UPK1A: variants seen among roughly 807,000 people sequenced by gnomAD.
UPK1A encodes the protein uroplakin 1A.
A neutral mutation model predicts 32.3 loss-of-function variants in UPK1A; 31 were observed. The observed-to-expected ratio is 0.96, with a 90% CI of 0.72 to 1.30. The LOEUF is 1.30. Among genes scored for constraint, UPK1A ranks in the 50% most tolerant of loss-of-function variants. The pLI is 0.00. For synonymous variants in UPK1A, 135 were observed against 137.1 expected (o/e 0.98, Z 0.11); for missense variants, 340 against 357.4 (o/e 0.95, Z 0.39).
chr19:35,676,696 C>T lies in UPK1A; in HGVS notation c.648+677C>T, dbSNP rs1451632732. Among the ~76,000 whole-genome samples the T allele has an allele frequency of 4.0e-5, 6 of 151,490 alleles. No individual in the cohort carries two copies. In the South Asian group the frequency reaches 8.3e-4, roughly 21 times the overall value. ...GGCAGATCACTTGAGGTCAAGAGTT[C>T]GAGACCAGCCTGACCAACATGGCGA... On this transcript the variant is annotated intron_variant, in intron 6 of 7. Transcript: ENST00000617999.
exon 8 of UPK1A, chr19:35,678,113 A>C: frequency 7.1e-7 from 1 of 1,409,312 alleles, no homozygotes; most frequent in Non-Finnish European, 9.5e-7. Flanking sequence ...CTCACCTCTC[A>C]CCTCCCAACG....
At chr19:35,676,203 T>G in intron 6 of UPK1A, 184 bp downstream of exon 6, 1 of 726,852 alleles carries the variant, frequency 1.4e-6, no homozygotes, top group Non-Finnish European at 2.2e-6. Flanking sequence ...TTCTTTTTTT[T>G]TTTTCAAGAC....
intron 5 of UPK1A, among the ~76,000 whole-genome samples, chr19:35,675,037 G>A (rs1373589466): frequency 7.5e-6 from 1 of 133,874 alleles, no homozygotes; most frequent in Admixed American, 7.7e-5. Context: ...GGGAGACTCC[G>A]TCTCAAAAAA....
At chr19:35,675,734 C>T (rs983576081) in intron 5 of UPK1A, 106 bp from the exon 6 acceptor site, 1 of 1,371,162 alleles carries the variant, frequency 7.3e-7, no homozygotes. Context: ...GAAGTTGGGC[C>T]CAGCTGTGTC....
chr19:35,667,110 CTG>C (rs1209710910), intron 2 of UPK1A, among the ~76,000 whole-genome samples: 1 of 152,148 alleles, frequency 6.6e-6, no homozygotes, highest in African/African-American at 2.4e-5. Context: ...CATCTATAGA[CTG>C]TGTCCTCATT....
chr19:35,675,624 C>G (rs527829887), intron 5 of UPK1A, among the ~76,000 whole-genome samples: 1 of 152,224 alleles, frequency 6.6e-6, no homozygotes, highest in South Asian at 2.1e-4. Context: ...TAATCCAAAT[C>G]CCCCATCAGC....
chr19:35,668,362 G>C (rs755223451), intron 2 of UPK1A, 92 bp from the exon 3 acceptor site: 4 of 1,485,954 alleles, frequency 2.7e-6, no homozygotes, highest in Non-Finnish European at 3.7e-6. Flanking sequence ...GGCAGTGGAG[G>C]CTCCAAATGG....
At chr19:35,671,720 C>A (rs746537214) in intron 3 of UPK1A, among the ~76,000 whole-genome samples, 10 of 151,670 alleles carry the variant, frequency 6.6e-5, no homozygotes, top group Non-Finnish European at 1.0e-4. Context: ...CCTCGGCTTC[C>A]CAAAGTGCTG....
At chr19:35,671,624 A>ATTT (rs553879859) in intron 3 of UPK1A, among the ~76,000 whole-genome samples, 1 of 141,158 alleles carries the variant, frequency 7.1e-6, no homozygotes, top group Non-Finnish European at 1.6e-5. Flanking sequence ...CGCCTGGTTA[A>ATTT]TTTTTTTTTT....
chr19:35,676,589 G>C (rs546779758), intron 6 of UPK1A, among the ~76,000 whole-genome samples: 1 of 151,896 alleles, frequency 6.6e-6, no homozygotes, highest in South Asian at 2.1e-4. Context: ...ACTTTACTCA[G>C]GTTGTCCGAG....
At chr19:35,673,146 A>G (rs1568347819) in intron 3 of UPK1A, 86 bp from the exon 4 acceptor site, 1 of 1,433,670 alleles carries the variant, frequency 7.0e-7, no homozygotes, top group Non-Finnish European at 9.8e-7. Context: ...CTTTTTTAAA[A>G]CTTGCATTTC....
chr19:35,676,224 T>A (rs1427459506), intron 6 of UPK1A: 1 of 703,918 alleles, frequency 1.4e-6, no homozygotes, highest in Non-Finnish European at 2.4e-6. Flanking sequence ...CGAGTCCTGC[T>A]CTGTCACCCA....
At chr19:35,676,440 T>C (rs1968184991) in intron 6 of UPK1A, 2 of 292,308 alleles carry the variant, frequency 6.8e-6, no homozygotes, top group Non-Finnish European at 1.3e-5. Flanking sequence ...TCCACCCACC[T>C]CAGCCTCCCA....
intron 6 of UPK1A, 178 bp downstream of exon 6, chr19:35,676,197 T>TTCTTTCTTTCTTTCTTTC (rs1968180226): frequency 5.5e-6 from 4 of 728,956 alleles, no homozygotes; most frequent in South Asian, 4.0e-5. Flanking sequence ...CTTTCTTTCT[T>TTCTTTCTTTCTTTCTTTC]TTTTTTTTTT....
At chr19:35,676,281 C>A (rs1433588015) in intron 6 of UPK1A, 1 of 618,444 alleles carries the variant, frequency 1.6e-6, no homozygotes, top group South Asian at 1.6e-5. Flanking sequence ...GCGTCTGCCT[C>A]CCGGGTTCAA....
At chr19:35,666,873 G>T (rs1409439058) in exon 2 of UPK1A, 10 of 1,613,986 alleles carry the variant, frequency 6.2e-6, no homozygotes, top group Non-Finnish European at 8.5e-6. Flanking sequence ...GGGCCTGCTA[G>T]TTGTGGGCAA....
intron 6 of UPK1A, 179 bp downstream of exon 6, chr19:35,676,198 T>TCTTTCTTTCTTTCTTTTTC (rs576312064): frequency 2.4e-6 from 2 of 817,362 alleles, no homozygotes; most frequent in Non-Finnish European, 3.8e-6. Context: ...TTTCTTTCTT[T>TCTTTCTTTCTTTCTTTTTC]TTTTTTTTTC....
chr19:35,676,058 G>A (rs756507961), intron 6 of UPK1A, 39 bp downstream of exon 6: 3 of 1,585,636 alleles, frequency 1.9e-6, no homozygotes, highest in East Asian at 4.5e-5. Context: ...CTATCCATCT[G>A]TCTGTCTTCC....
chr19:35,666,698 T>C (rs1968001616), intron 1 of UPK1A, 111 bp from the exon 2 acceptor site: 4 of 1,088,026 alleles, frequency 3.7e-6, no homozygotes, highest in Non-Finnish European at 5.4e-6. Context: ...AGTACCAGCC[T>C]GGGCCCCGCA....
Sources: allele counts gnomAD v4.1 joint callset (sites outside exome capture counted in the v4.1 genomes callset), GRCh38; gene constraint gnomAD v4.1.1; transcripts MANE v1.5; gene names NCBI Gene and HGNC (gene_info 2026-07-23, HGNC 2026-07-21).